SOX5: variants seen among roughly 807,000 people sequenced by gnomAD.
SOX5 encodes SRY-box transcription factor 5.
In SOX5, 9 loss-of-function variants were observed where a neutral mutation model predicts 92.0. The ratio of observed to expected loss-of-function variants is 0.10; its 90% CI spans 0.06 to 0.17. The LOEUF (loss-of-function observed/expected upper bound fraction) is 0.17. SOX5 is among the 10% of genes least tolerant of loss of function. The pLI is 1.00. For synonymous variants in SOX5, 344 were observed against 336.3 expected (o/e 1.02, Z -0.25); for missense variants, 642 against 944.5 (o/e 0.68, Z 4.20).
intron 1 of SOX5, among the ~76,000 whole-genome samples, chr12:24,439,975 C>A (rs1352921881): frequency 6.6e-6 from 1 of 152,156 alleles, no homozygotes; most frequent in African/African-American, 2.4e-5. Context: ...TGGTGCCTTG[C>A]ATATACTACC....
chr12:23,903,044 C>T lies in SOX5; in HGVS notation c.39-7020G>A, dbSNP rs185844099. ...AAGGAAGTTAGAGTTCTGATGGAAACAGGAAATATATACCTACTCATCCAT... is the reference window on the plus strand; with the variant it reads ...AAGGAAGTTAGAGTTCTGATGGAAATAGGAAATATATACCTACTCATCCAT... On this transcript the variant is annotated intron_variant, in intron 1 of 14. Coordinates refer to ENST00000451604, the MANE Select transcript of SOX5 (RefSeq NM_006940.6). Among the ~76,000 whole-genome samples the T allele has an allele frequency of 2.7e-4, 41 of 152,244 alleles. 1 individual carries two copies. The highest frequency in any genetic ancestry group is 2.4e-3 in the Admixed American group (36 of 15,288).
intron 3 of SOX5, among the ~76,000 whole-genome samples, chr12:24,272,737 T>G (rs1292923496): frequency 6.6e-6 from 1 of 152,232 alleles, no homozygotes; most frequent in Non-Finnish European, 1.5e-5. Context: ...ATTACATGAT[T>G]AAATTTTTGT....
chr12:24,098,271 C>T (rs1945665926), intron 4 of SOX5, among the ~76,000 whole-genome samples: 1 of 152,180 alleles, frequency 6.6e-6, no homozygotes, highest in East Asian at 1.9e-4. Context: ...ACCTTTAATA[C>T]TTCCAGCATG....
chr12:24,360,020 G>A (rs1955356728), intron 2 of SOX5, among the ~76,000 whole-genome samples: 1 of 152,188 alleles, frequency 6.6e-6, no homozygotes, highest in African/African-American at 2.4e-5. Flanking sequence ...AGGATGGCAG[G>A]GACGGAGGGA....
At chr12:24,424,996 C>T (rs531245769) in intron 1 of SOX5, among the ~76,000 whole-genome samples, 7 of 152,032 alleles carry the variant, frequency 4.6e-5, no homozygotes, top group South Asian at 2.1e-4. Flanking sequence ...ACCAGATTAA[C>T]GGTGGAAACA....
chr12:23,930,293 G>C (rs149170779), intron 1 of SOX5, among the ~76,000 whole-genome samples: 7 of 151,796 alleles, frequency 4.6e-5, no homozygotes, highest in African/African-American at 1.7e-4. Context: ...AATTTGGCTA[G>C]GTTATTTTTT....
At chr12:23,703,084 C>T (rs903466810) in intron 6 of SOX5, among the ~76,000 whole-genome samples, 5 of 151,962 alleles carry the variant, frequency 3.3e-5, no homozygotes, top group African/African-American at 4.8e-5. Flanking sequence ...GGCTCCATAC[C>T]GAAAGCCAGG....
intron 4 of SOX5, among the ~76,000 whole-genome samples, chr12:24,148,708 A>G (rs1386753901): frequency 0.12 from 14,374 of 121,902 alleles, 1,336 homozygotes; most frequent in African/African-American, 0.25. Context: ...AAAAAAAAAA[A>G]AAAAAAAAGA....
intron 3 of SOX5, among the ~76,000 whole-genome samples, chr12:23,825,718 AATAG>A (rs2096219068): frequency 6.6e-6 from 1 of 152,200 alleles, no homozygotes; most frequent in Non-Finnish European, 1.5e-5. Context: ...CAAAACAACA[AATAG>A]ATAATATTTT....
intron 4 of SOX5, among the ~76,000 whole-genome samples, chr12:24,131,846 T>C (rs556370006): frequency 6.8e-4 from 103 of 152,326 alleles, no homozygotes; most frequent in Non-Finnish European, 1.4e-3. Context: ...CAAGTATTTT[T>C]AGACTTCACA....
At chr12:23,684,134 A>C (rs960625516) in intron 6 of SOX5, among the ~76,000 whole-genome samples, 1 of 151,900 alleles carries the variant, frequency 6.6e-6, no homozygotes, top group Non-Finnish European at 1.5e-5. Context: ...AATGTGCTCT[A>C]CTCTTAGTTC....
intron 2 of SOX5, among the ~76,000 whole-genome samples, chr12:23,889,505 T>C (rs1188139802): frequency 6.6e-6 from 1 of 152,200 alleles, no homozygotes; most frequent in Non-Finnish European, 1.5e-5. Flanking sequence ...ATAGCTATAA[T>C]ACAGCAATTA....
chr12:23,831,477 T>A (rs1036446859), intron 3 of SOX5, among the ~76,000 whole-genome samples: 1 of 152,100 alleles, frequency 6.6e-6, no homozygotes, highest in African/African-American at 2.4e-5. Flanking sequence ...GGAATGTGAA[T>A]GAAAATCCTG....
chr12:23,805,974 G>A (rs528005009), intron 3 of SOX5, among the ~76,000 whole-genome samples: 1 of 152,104 alleles, frequency 6.6e-6, no homozygotes, highest in Non-Finnish European at 1.5e-5. Flanking sequence ...ACATACTTAG[G>A]TTATATCAAA....
intron 3 of SOX5, among the ~76,000 whole-genome samples, chr12:24,261,670 G>T (rs985808255): frequency 3.3e-5 from 5 of 152,204 alleles, no homozygotes; most frequent in Admixed American, 6.5e-5. Context: ...ACAGACTTAT[G>T]TGTCGCTACT....
chr12:23,844,438 G>A (rs938345505), intron 3 of SOX5, among the ~76,000 whole-genome samples: 1 of 152,086 alleles, frequency 6.6e-6, no homozygotes, highest in Non-Finnish European at 1.5e-5. Flanking sequence ...CTAAGGTTAA[G>A]AATCCTATTA....
chr12:23,680,524 G>A (rs1054491218), intron 6 of SOX5, among the ~76,000 whole-genome samples: 2 of 151,122 alleles, frequency 1.3e-5, no homozygotes, highest in East Asian at 1.9e-4. Flanking sequence ...AAAATAAGAT[G>A]GTTTAACAAA....
At chr12:23,991,763 T>A (rs967189380) in intron 4 of SOX5, among the ~76,000 whole-genome samples, 4 of 149,000 alleles carry the variant, frequency 2.7e-5, no homozygotes, top group Non-Finnish European at 6.0e-5. Context: ...TTTTTTTTTT[T>A]ACTTTATACA....
intron 4 of SOX5, among the ~76,000 whole-genome samples, chr12:24,047,065 C>T (rs201290780): frequency 6.6e-6 from 1 of 151,864 alleles, no homozygotes; most frequent in Non-Finnish European, 1.5e-5. Context: ...TTTTTTCCCC[C>T]TTTGGAGGTA....
Sources: allele counts gnomAD v4.1 joint callset (sites outside exome capture counted in the v4.1 genomes callset), GRCh38; gene constraint gnomAD v4.1.1; transcripts MANE v1.5; gene names NCBI Gene and HGNC (gene_info 2026-07-23, HGNC 2026-07-21).